The following POT1 variants were observed in gnomAD, a reference collection of about 807,000 sequenced individuals.
POT1 encodes protection of telomeres 1, also known as protection of telomeres protein 1.
A neutral mutation model predicts 78.5 loss-of-function variants in POT1; 47 were observed. That is an observed-to-expected ratio of 0.60 (90% confidence interval 0.47 to 0.76). The LOEUF (loss-of-function observed/expected upper bound fraction) is 0.76, where lower values mean the gene tolerates loss of function less well. Among genes scored for constraint, POT1 ranks in the 30% least tolerant of loss-of-function variants. The pLI, the probability that POT1 is intolerant of heterozygous loss-of-function variation, is 0.00. For synonymous variants in POT1, 259 were observed against 260.7 expected (o/e 0.99, Z 0.06); for missense variants, 646 against 749.9 (o/e 0.86, Z 1.62).
chr7:124,841,062 T>C lies in POT1; in HGVS notation c.1280A>G (p.Lys427Arg). The C allele has an allele frequency of 2.5e-6, 4 of 1,612,836 alleles. No individual in the cohort carries two copies. The highest frequency in any genetic ancestry group is 2.5e-6 in the Non-Finnish European group (3 of 1,179,112). Residue 427 changes from lysine (K) to arginine (R), a missense_variant, in exon 14 of 19, where the codon AAA becomes AGA. Around this residue, in one of 2 missense-constraint regions of POT1, gnomAD observed 394 missense variants for 408.4 expected, o/e 0.96. Coordinates refer to ENST00000357628, the MANE Select transcript of POT1 (RefSeq NM_015450.3). ...TGCTACTTTTCGTCCTTTTTGATTT[T>C]TAGTGGTCCAGATTTTTGAATCATA... ...SLYDSKIWTT[K>R]NQKGRKVAVH...
chr7:124,842,945 T>A lies in POT1; in HGVS notation c.1025A>T (p.Tyr342Phe), dbSNP rs1178219050. 1.9e-6 allele frequency: 3 copies of A among 1,587,556 alleles called. No homozygotes were observed. In the East Asian group the frequency reaches 6.8e-5, roughly 36 times the overall value. The part of the protein sequence containing the change: ...LSATILTDHQ[Y>F]LERTPLCAIL... ...GGCACATAGTGGTGTCCTCTCCAAA[T>A]ACTGATGATCTGTAAGTACTGTAAA... The change falls in exon 13 of 19, where the codon TAT becomes TTT. Residue 342 changes from tyrosine (Y) to phenylalanine (F), a missense_variant. Physicochemically the swap from Tyr to Phe is conservative, Grantham distance 22. Coordinates refer to ENST00000357628, the MANE Select transcript of POT1 (RefSeq NM_015450.3).
chr7:124,839,544 A>C (rs1794976441), intron 14 of POT1, among the ~76,000 whole-genome samples: 1 of 152,156 alleles, frequency 6.6e-6, no homozygotes, highest in Non-Finnish European at 1.5e-5. Context: ...GTTACTTCCT[A>C]ACCAGAGCAG....
At chr7:124,853,751 A>G (rs1419217973) in intron 9 of POT1, among the ~76,000 whole-genome samples, 2 of 152,104 alleles carry the variant, frequency 1.3e-5, no homozygotes, top group Admixed American at 1.3e-4. Flanking sequence ...TAGAGTTTTG[A>G]ATTAAATGTT....
rs572258130 is a variant in POT1, at chr7:124,879,870, C to A, written c.125-8829G>T. Among the ~76,000 whole-genome samples the A allele has an allele frequency of 7.9e-5, 12 of 152,174 alleles. No individual in the cohort carries two copies. The South Asian group carries it at 2.3e-3, about 29-fold the overall frequency. On this transcript the variant is annotated intron_variant, in intron 6 of 18. Coordinates refer to ENST00000357628, the MANE Select transcript of POT1 (RefSeq NM_015450.3). ...ATCTAAAAACAAATCCCACAATACA[C>A]AATACAACAACTGTTCTTCCACACA... is the stretch of plus-strand genomic sequence containing the variant.
intron 3 of POT1, among the ~76,000 whole-genome samples, chr7:124,913,679 C>A (rs1028438190): frequency 4.6e-5 from 7 of 152,050 alleles, no homozygotes; most frequent in Non-Finnish European, 7.4e-5. Flanking sequence ...TAATTTCATT[C>A]TTTTGTATGT....
At chr7:124,911,394 C>G (rs1032404855) in intron 3 of POT1, among the ~76,000 whole-genome samples, 2 of 152,104 alleles carry the variant, frequency 1.3e-5, no homozygotes, top group Admixed American at 1.3e-4. Flanking sequence ...TGATGACTGT[C>G]AAGAGACTTC....
intron 3 of POT1, among the ~76,000 whole-genome samples, chr7:124,901,261 T>A (rs1796611892): frequency 6.6e-6 from 1 of 152,182 alleles, no homozygotes; most frequent in African/African-American, 2.4e-5. Flanking sequence ...AGGGGCCAAC[T>A]GACACCTCAC....
intron 3 of POT1, among the ~76,000 whole-genome samples, chr7:124,903,202 T>C (rs549182257): frequency 8.3e-4 from 126 of 152,132 alleles, no homozygotes; most frequent in Non-Finnish European, 1.6e-3. Context: ...AACTCTCCAC[T>C]CCAAATCAAC....
At chr7:124,825,445 A>G (rs1794607763) in intron 17 of POT1, 88 bp from the exon 18 acceptor site, 2 of 783,708 alleles carry the variant, frequency 2.6e-6, no homozygotes, top group South Asian at 2.3e-5. Context: ...ATATTGTCCA[A>G]TTAAAAGATA....
intron 15 of POT1, 100 bp from the exon 16 acceptor site, chr7:124,829,442 A>T: frequency 1.4e-6 from 1 of 711,546 alleles, no homozygotes; most frequent in Non-Finnish European, 2.3e-6. Flanking sequence ...TAAAATATAA[A>T]TTATTAAACA....
rs1313752755 is a variant in POT1, at chr7:124,921,490, TAAA to T, written c.-226-5847_-226-5845del. 1.0e-4 allele frequency among the ~76,000 whole-genome samples: 15 copies of T among 147,040 alleles called. No homozygotes were observed. The East Asian group carries it at 1.4e-3, about 14-fold the overall frequency. On this transcript the variant is annotated intron_variant, in intron 2 of 18. Transcript: ENST00000357628. ...CAGGAAAATAAATAGAAATAAAACT[TAAA>T]AAGAAATAAATAGGTGAGTAAAATG...
chr7:124,921,699 G>C (rs965430410), intron 2 of POT1, among the ~76,000 whole-genome samples: 3 of 151,890 alleles, frequency 2.0e-5, no homozygotes, highest in African/African-American at 7.3e-5. Flanking sequence ...GAGAGCAACA[G>C]AAATTACTCA....
In POT1 at chr7:124,840,963, A is replaced by T. The variant is rs773549874; in HGVS notation, c.1369+10T>A. 17 of 1,576,842 alleles carry T rather than the reference A, an allele frequency of 1.1e-5. No homozygotes were observed. Among genetic ancestry groups the T allele is most frequent in the Non-Finnish European group, 1.4e-5 (16 of 1,149,318 alleles). On this transcript the variant is annotated intron_variant, in intron 14 of 18. Coordinates refer to ENST00000357628, the MANE Select transcript of POT1 (RefSeq NM_015450.3). ...AGTATTCTAACAAAACAGTGACTTA[A>T]ATATCTTACCTTCTATCAAAAGTAG...
rs1584536491 is a variant in POT1 at position 124,927,042 on chromosome 7, A to G, written c.-227+1773T>C. ...CTTTACCACAGTGCTATATATCAAC[A>G]TAGCAAAACTGCACTTGTTTCCCAC... is the stretch of plus-strand genomic sequence containing the variant. On this transcript the variant is annotated intron_variant, in intron 2 of 18. Coordinates refer to ENST00000357628, the MANE Select transcript of POT1 (RefSeq NM_015450.3). Among the ~76,000 whole-genome samples the G allele has an allele frequency of 5.3e-5, 8 of 152,298 alleles. 2 individuals carry two copies. Among genetic ancestry groups the G allele is most frequent in the Admixed American group, 5.2e-4 (8 of 15,306 alleles).
At chr7:124,868,335 T>C (rs1795780979) in intron 7 of POT1, among the ~76,000 whole-genome samples, 1 of 152,058 alleles carries the variant, frequency 6.6e-6, no homozygotes, top group Non-Finnish European at 1.5e-5. Flanking sequence ...AATATAGTAA[T>C]GCTAAATCTA....
At chr7:124,899,347 T>C (rs181025188) in intron 3 of POT1, among the ~76,000 whole-genome samples, 2 of 152,300 alleles carry the variant, frequency 1.3e-5, no homozygotes, top group East Asian at 3.9e-4. Context: ...CCAGGTATTG[T>C]AGCTCTGCAA....
intron 3 of POT1, among the ~76,000 whole-genome samples, chr7:124,905,768 C>G (rs777915954): frequency 6.6e-6 from 1 of 151,910 alleles, no homozygotes; most frequent in South Asian, 2.1e-4. Flanking sequence ...AGAATCTACA[C>G]GGAACTTAAA....
intron 3 of POT1, among the ~76,000 whole-genome samples, chr7:124,904,130 A>G (rs1796698114): frequency 6.6e-6 from 1 of 152,202 alleles, no homozygotes; most frequent in Admixed American, 6.5e-5. Context: ...TATTCCAATC[A>G]ACAGAAACAG....
chr7:124,830,683 A>G (rs1209972088), intron 15 of POT1, among the ~76,000 whole-genome samples: 1 of 152,118 alleles, frequency 6.6e-6, no homozygotes, highest in East Asian at 1.9e-4. Context: ...GAACATATTT[A>G]AACTCCACTA....
Sources: allele counts gnomAD v4.1 joint callset (sites outside exome capture counted in the v4.1 genomes callset), GRCh38; gene constraint gnomAD v4.1.1; regional missense constraint gnomAD v4.1.1; transcripts MANE v1.5; gene names NCBI Gene and HGNC (gene_info 2026-07-23, HGNC 2026-07-21).